The following GNA14 variants were observed in gnomAD, a reference collection of about 807,000 sequenced individuals.
GNA14 encodes G protein subunit alpha 14, also known as guanine nucleotide-binding protein subunit alpha-14.
In GNA14, 50 loss-of-function variants were observed where a neutral mutation model predicts 42.0. The ratio of observed to expected loss-of-function variants is 1.19; its 90% CI spans 0.95 to 1.51. GNA14 has a LOEUF of 1.51. Ranked by LOEUF, GNA14 falls within the 40% of genes most tolerant of loss-of-function variation. The pLI is 0.00. For missense variants in GNA14, 473 were observed against 446.2 expected (o/e 1.06, Z -0.54); for synonymous variants, 173 against 163.1 (o/e 1.06, Z -0.46).
At chr9:77,623,687 C>T (rs1275100848) in intron 1 of GNA14, among the ~76,000 whole-genome samples, 2 of 152,182 alleles carry the variant, frequency 1.3e-5, no homozygotes, top group Admixed American at 6.5e-5. Flanking sequence ...CCTACCCTAG[C>T]CAAGGGAAGC....
intron 1 of GNA14, among the ~76,000 whole-genome samples, chr9:77,558,785 A>C (rs1218021627): frequency 2.0e-5 from 3 of 152,186 alleles, no homozygotes; most frequent in Non-Finnish European, 4.4e-5. Flanking sequence ...AAAGTATGAC[A>C]GATAATAATG....
chr9:77,486,413 T>G (rs1366448031), intron 2 of GNA14, among the ~76,000 whole-genome samples: 1 of 152,242 alleles, frequency 6.6e-6, no homozygotes, highest in African/African-American at 2.4e-5. Context: ...CACTAAAACT[T>G]TCTCCATATC....
At chr9:77,568,885 G>A (rs188999518) in intron 1 of GNA14, among the ~76,000 whole-genome samples, 8 of 152,268 alleles carry the variant, frequency 5.3e-5, no homozygotes, top group South Asian at 2.1e-4. Context: ...CAGTAAAGTC[G>A]CACTTCAGAA....
At chr9:77,579,799 A>G (rs143265117) in intron 1 of GNA14, among the ~76,000 whole-genome samples, 242 of 152,346 alleles carry the variant, frequency 1.6e-3, no homozygotes, top group Non-Finnish European at 2.3e-3. Context: ...GACAGAAATT[A>G]CTGCTATTGT....
At chr9:77,443,583 C>T (rs1587763939) in intron 2 of GNA14, among the ~76,000 whole-genome samples, 1 of 152,202 alleles carries the variant, frequency 6.6e-6, no homozygotes, top group Non-Finnish European at 1.5e-5. Context: ...TTCTCTTTCC[C>T]TTCCTCTTTT....
chr9:77,594,632 A>G (rs571670230), intron 1 of GNA14, among the ~76,000 whole-genome samples: 10 of 152,304 alleles, frequency 6.6e-5, no homozygotes, highest in Non-Finnish European at 1.2e-4. Context: ...CCCACGCTCA[A>G]TTTGAAAGTG....
intron 2 of GNA14, among the ~76,000 whole-genome samples, chr9:77,436,630 C>T (rs72730860): frequency 0.023 from 3,540 of 152,218 alleles, 57 homozygotes; most frequent in Non-Finnish European, 0.032. Flanking sequence ...CCTCTCGCCA[C>T]GCTCTTGCTT....
rs1384239573 is a variant in GNA14, at chr9:77,431,433, C to T, written c.481G>A (p.Asp161Asn). The T allele has an allele frequency of 1.2e-6, 2 of 1,613,076 alleles. No individual in the cohort carries two copies. Among genetic ancestry groups the T allele is most frequent in the South Asian group, 1.1e-5 (1 of 90,940 alleles). The change falls in exon 4 of 7, where the codon GAC (aspartate) becomes AAC (asparagine). Residue 161 changes from aspartate (D) to asparagine (N), a missense_variant. Physicochemically the swap from Asp to Asn is conservative, Grantham distance 23 (BLOSUM62 1). Coordinates refer to ENST00000341700, the MANE Select transcript of GNA14 (RefSeq NM_004297.4). ...ACGAATGATGGTGTGGCGATGCGGT[C>T]AATGTCAGTCAGGTAACTGTATATT... is the stretch of plus-strand genomic sequence containing the variant. ...DSAKYYLTDI[D>N]RIATPSFVPT...
intron 2 of GNA14, among the ~76,000 whole-genome samples, chr9:77,477,561 C>A (rs1481544446): frequency 6.6e-6 from 1 of 152,110 alleles, no homozygotes; most frequent in Non-Finnish European, 1.5e-5. Context: ...TCTAATCACC[C>A]ACCCATAGCA....
intron 1 of GNA14, among the ~76,000 whole-genome samples, chr9:77,594,492 A>G (rs1823434714): frequency 6.6e-6 from 1 of 152,234 alleles, no homozygotes; most frequent in African/African-American, 2.4e-5. Flanking sequence ...TTTTACACCC[A>G]AAGTGTCAAG....
intron 1 of GNA14, among the ~76,000 whole-genome samples, chr9:77,569,939 G>T (rs1220314090): frequency 1.3e-5 from 2 of 151,906 alleles, no homozygotes; most frequent in Non-Finnish European, 2.9e-5. Context: ...GCTAATTTTT[G>T]TATTTTTAGT....
At chr9:77,601,141 C>A (rs1355627389) in intron 1 of GNA14, among the ~76,000 whole-genome samples, 1 of 152,194 alleles carries the variant, frequency 6.6e-6, no homozygotes, top group African/African-American at 2.4e-5. Flanking sequence ...GAGCCCTTGG[C>A]AGGAACCCCT....
At chr9:77,454,577 AT>A (rs35309093) in intron 2 of GNA14, among the ~76,000 whole-genome samples, 28,106 of 128,338 alleles carry the variant, frequency 0.22, 2,930 homozygotes, top group African/African-American at 0.31. Flanking sequence ...GGCCATCAGG[AT>A]TTTTTTTTTT....
At chr9:77,513,702 G>T (rs887919544) in intron 2 of GNA14, among the ~76,000 whole-genome samples, 3 of 152,178 alleles carry the variant, frequency 2.0e-5, no homozygotes, top group African/African-American at 7.2e-5. Context: ...GCCCTGCTGG[G>T]TGAGGCCTGA....
chr9:77,561,923 C>T (rs571292586), intron 1 of GNA14, among the ~76,000 whole-genome samples: 19 of 152,292 alleles, frequency 1.2e-4, no homozygotes, highest in Middle Eastern at 3.4e-3. Context: ...GTATTAAAAA[C>T]GGTCTTAGGA....
chr9:77,519,202 G>C (rs536054472), intron 2 of GNA14, among the ~76,000 whole-genome samples: 1 of 152,308 alleles, frequency 6.6e-6, no homozygotes, highest in African/African-American at 2.4e-5. Context: ...CCTGAGGTCA[G>C]AAGTTCAAGA....
intron 1 of GNA14, among the ~76,000 whole-genome samples, chr9:77,646,796 T>C (rs1824359974): frequency 6.6e-6 from 1 of 152,234 alleles, no homozygotes; most frequent in African/African-American, 2.4e-5. Context: ...CTAGAAAGTC[T>C]GAGATGGGAT....
In GNA14 at chr9:77,431,288, A is replaced by C. The variant is rs189436617; in HGVS notation, c.593+33T>G. 2.1e-5 allele frequency: 33 copies of C among 1,602,770 alleles called. 1 individual carries two copies. In the East Asian group the frequency reaches 6.9e-4, roughly 34 times the overall value. On this transcript the variant is annotated intron_variant, in intron 4 of 6. Coordinates refer to ENST00000341700, the MANE Select transcript of GNA14 (RefSeq NM_004297.4). ...CCTGGGGACTTCCAAGCCTGGGCAG[A>C]TTCTTCATGGTACATCAGGGAGACA...
At chr9:77,489,455 C>A (rs1055505348) in intron 2 of GNA14, among the ~76,000 whole-genome samples, 2 of 152,144 alleles carry the variant, frequency 1.3e-5, no homozygotes, top group Non-Finnish European at 2.9e-5. Context: ...CCAAGTAAGA[C>A]GACCCCAAGG....
Sources: gnomAD v4.1 joint callset for allele counts (sites outside exome capture counted in the v4.1 genomes callset) on GRCh38, gnomAD v4.1.1 for gene constraint, MANE v1.5 for transcripts, NCBI Gene and HGNC (gene_info 2026-07-23, HGNC 2026-07-21) for gene names.